The following BSPH1 variants were observed in gnomAD, a reference collection of about 807,000 sequenced individuals.
BSPH1 encodes the protein binder of sperm 1.
In BSPH1, 21 loss-of-function variants were observed where a neutral mutation model predicts 22.5. The ratio of observed to expected loss-of-function variants is 0.93; its 90% CI spans 0.66 to 1.35. The LOEUF (loss-of-function observed/expected upper bound fraction) is 1.35, where lower values mean the gene tolerates loss of function less well. BSPH1 is among the 40% of genes most tolerant of loss of function. The pLI is 0.00. For synonymous variants in BSPH1, 42 were observed against 53.6 expected, an observed-to-expected ratio of 0.78 and a Z score of 0.95; for missense variants, 141 against 154.2, an observed-to-expected ratio of 0.91 and a Z score of 0.45.
intron 5 of BSPH1, among the ~76,000 whole-genome samples, chr19:47,974,265 CTCTCTTT>C (rs1969339079): frequency 8.3e-6 from 1 of 120,110 alleles, no homozygotes; most frequent in African/African-American, 4.2e-5. Context: ...TTCTCTCTCT[CTCTCTTT>C]TTTTTTTTTT....
intron 1 of BSPH1, among the ~76,000 whole-genome samples, chr19:47,981,537 A>G (rs1167561401): frequency 2.0e-5 from 3 of 152,242 alleles, no homozygotes. Context: ...CAGAAATGTT[A>G]GGTTCCATTA....
chr19:47,979,536 T>G, intron 3 of BSPH1, 34 bp downstream of exon 3: 1 of 1,050,344 alleles, frequency 9.5e-7, no homozygotes. Flanking sequence ...AAAGAAAATA[T>G]ACATTAATAA....
At position 47,970,906 on chromosome 19, in the gene BSPH1, A is replaced by G. The variant is rs193164577; in HGVS notation, c.*3-2697T>C. Among the ~76,000 whole-genome samples the G allele has an allele frequency of 4.9e-3, 751 of 152,318 alleles. 9 individuals are homozygous for G. Among genetic ancestry groups the G allele is most frequent in the Admixed American group, 9.4e-3 (144 of 15,300 alleles). ...TGAAAAATCTGCATCTCAGAGCCGA[A>G]CTAAGCCTAAATCAGACAAATCCTA... On this transcript the variant is annotated intron_variant, in intron 5 of 5. Coordinates refer to ENST00000344839, the MANE Select transcript of BSPH1 (RefSeq NM_001128326.2).
chr19:47,969,765 T>C (rs1442144528), intron 5 of BSPH1, among the ~76,000 whole-genome samples: 1 of 144,370 alleles, frequency 6.9e-6, no homozygotes, highest in Non-Finnish European at 1.5e-5. Flanking sequence ...AGAGAGACTT[T>C]AGAATTTATT....
chr19:47,986,973 C>G (rs1261445554), intron 1 of BSPH1, among the ~76,000 whole-genome samples: 5 of 152,116 alleles, frequency 3.3e-5, no homozygotes, highest in Non-Finnish European at 5.9e-5. Flanking sequence ...GTGGCAGCAT[C>G]ACTTTAATCT....
intron 5 of BSPH1, among the ~76,000 whole-genome samples, chr19:47,973,917 C>G (rs978005141): frequency 1.3e-5 from 2 of 152,192 alleles, no homozygotes; most frequent in Admixed American, 1.3e-4. Flanking sequence ...CATACTCTAT[C>G]CTTAGCACTC....
At position 47,988,536 on chromosome 19, in the gene BSPH1, C is replaced by T. The variant is rs117549631; in HGVS notation, c.73+3473G>A. ...GGACAGAGGAGGCGAGAGGAGCCTT[C>T]AGTTCTTGGTGAGTGGGGGTGCATG... On this transcript the variant is annotated intron_variant, in intron 1 of 5. Coordinates refer to ENST00000344839, the MANE Select transcript of BSPH1 (RefSeq NM_001128326.2). Among the ~76,000 whole-genome samples, 994 of 152,272 alleles carry T rather than the reference C, an allele frequency of 6.5e-3. 10 individuals carry two copies. The highest frequency in any genetic ancestry group is 5.2e-3 in the Non-Finnish European group (352 of 68,036).
chr19:47,985,077 AAGAAAG>A (rs1969458140), intron 1 of BSPH1, among the ~76,000 whole-genome samples: 1 of 121,684 alleles, frequency 8.2e-6, no homozygotes, highest in East Asian at 3.3e-4. Flanking sequence ...AAAAAAAAAA[AAGAAAG>A]AAAAAGAAAA....
chr19:47,976,909 A>C, intron 4 of BSPH1, 55 bp from the exon 5 acceptor site: 2 of 1,498,510 alleles, frequency 1.3e-6, no homozygotes, highest in Non-Finnish European at 1.8e-6. Context: ...ATTTGCACCC[A>C]CCTCCACCAC....
intron 1 of BSPH1, among the ~76,000 whole-genome samples, chr19:47,987,385 CTTTT>C (rs11289833): frequency 2.2e-5 from 3 of 137,012 alleles, no homozygotes; most frequent in Non-Finnish European, 1.6e-5. Context: ...TTAGTACTTA[CTTTT>C]TTTTTTTTTT....
chr19:47,973,348 G>T lies in BSPH1; in HGVS notation c.*2+3362C>A, dbSNP rs112972740. Among the ~76,000 whole-genome samples the T allele has an allele frequency of 1.6e-3, 245 of 151,924 alleles. 2 individuals are homozygous for T. The highest frequency in any genetic ancestry group is 5.5e-3 in the African/African-American group (228 of 41,442). On this transcript the variant is annotated intron_variant, in intron 5 of 5. Transcript: ENST00000344839. ...ATTTGGAATATTTTACTCACTTCTA[G>T]GGAACAGTCTCCTGTCATTTTATTG... is the stretch of plus-strand genomic sequence containing the variant.
At chr19:47,983,532 G>A (rs1969438677) in intron 1 of BSPH1, among the ~76,000 whole-genome samples, 1 of 152,104 alleles carries the variant, frequency 6.6e-6, no homozygotes, top group African/African-American at 2.4e-5. Context: ...GCATCAGAAT[G>A]CAACATCCCC....
chr19:47,968,021 C>A (rs754358185), downstream of BSPH1: 1 of 152,170 alleles, frequency 6.6e-6, no homozygotes, highest in African/African-American at 2.4e-5. Context: ...ACTCTCCCTG[C>A]AAAGATTTCC....
intron 1 of BSPH1, among the ~76,000 whole-genome samples, chr19:47,984,481 A>G (rs895257357): frequency 8.5e-5 from 13 of 152,048 alleles, no homozygotes; most frequent in African/African-American, 2.9e-4. Context: ...GTTATAATAT[A>G]TAAGGTTTTA....
In BSPH1 at chr19:47,979,608, TA is replaced by T; in HGVS notation, c.95-10del. 1.5e-6 allele frequency: 2 copies of T among 1,308,072 alleles called. No homozygotes were observed. The highest frequency in any genetic ancestry group is 1.5e-5 in the South Asian group (1 of 65,162). The allele number at this position is 1,308,072 out of a possible 1,614,324, so 81.0% of individuals were successfully genotyped here. A position where few individuals can be genotyped will look rare whatever the true frequency, so the allele number is the denominator to read the frequency against. ...AAAATGAGTTATAGTTTCTGAAAAA[TA>T]AAATTTAGAGCTGACATTTATTTCA... On this transcript the variant is annotated splice_polypyrimidine_tract_variant and intron_variant, in intron 2 of 5. Coordinates refer to ENST00000344839, the MANE Select transcript of BSPH1 (RefSeq NM_001128326.2).
At chr19:47,979,107 C>A (rs1969394657) in intron 3 of BSPH1, among the ~76,000 whole-genome samples, 1 of 152,064 alleles carries the variant, frequency 6.6e-6, no homozygotes, top group African/African-American at 2.4e-5. Flanking sequence ...AATATTTCTT[C>A]TTTTCTTCTC....
chr19:47,968,456 CAA>C (rs1969278851), intron 5 of BSPH1, among the ~76,000 whole-genome samples: 1 of 150,624 alleles, frequency 6.6e-6, no homozygotes, highest in Non-Finnish European at 1.5e-5. Flanking sequence ...TTCCCGCGTT[CAA>C]ATGATTCTCC....
chr19:47,985,774 G>C (rs989341391), intron 1 of BSPH1, among the ~76,000 whole-genome samples: 2 of 151,704 alleles, frequency 1.3e-5, no homozygotes, highest in Non-Finnish European at 2.9e-5. Flanking sequence ...CGTGGAGGTT[G>C]CAGTGAGCTG....
chr19:47,992,061 G>C lies in BSPH1; in HGVS notation c.21C>G (p.Leu7=). 2 of 1,551,450 alleles carry C rather than the reference G, an allele frequency of 1.3e-6. No individual in the cohort carries two copies. ...AGGAATTTCGCGTCGTTTCCACGAA[G>C]AGAAGCATCAGGGAGCCCATGGGCA... MGSLML[L]FVETTRNSSA... The change falls in exon 1 of 6, where the codon CTC becomes CTG. Residue 7 remains leucine (L), a synonymous_variant. Coordinates refer to ENST00000344839, the MANE Select transcript of BSPH1 (RefSeq NM_001128326.2).
Sources: allele counts gnomAD v4.1 joint callset (sites outside exome capture counted in the v4.1 genomes callset), GRCh38; gene constraint gnomAD v4.1.1; transcripts MANE v1.5; gene names NCBI Gene and HGNC (gene_info 2026-07-23, HGNC 2026-07-21).